The following AGTR1 variants were observed in gnomAD, a reference collection of about 807,000 sequenced individuals.
AGTR1 encodes the protein type-1 angiotensin II receptor.
A neutral mutation model predicts 19.4 loss-of-function variants in AGTR1; 16 were observed. That is an observed-to-expected ratio of 0.82 (90% CI 0.56 to 1.25). AGTR1 has a LOEUF of 1.25. Ranked by LOEUF, AGTR1 falls within the 50% of genes most tolerant of loss-of-function variation. The probability of loss-of-function intolerance (pLI) is 0.00; values close to 1 mark genes in which losing one functional copy is unlikely to be tolerated. For missense variants in AGTR1, 373 were observed against 431.9 expected, an observed-to-expected ratio of 0.86 and a Z score of 1.21; for synonymous variants, 153 against 154.9, an observed-to-expected ratio of 0.99 and a Z score of 0.09.
intron 1 of AGTR1, among the ~76,000 whole-genome samples, chr3:148,701,615 T>G (rs1425728572): frequency 6.6e-6 from 1 of 152,222 alleles, no homozygotes; most frequent in African/African-American, 2.4e-5. Context: ...TCTCAGTGAT[T>G]ATCAGTCTCC....
chr3:148,698,094 C>T lies in AGTR1; in HGVS notation c.-165C>T, dbSNP rs1350070860. On this transcript the variant is annotated 5_prime_UTR_variant, in exon 1 of 3. Transcript: ENST00000349243. Reference sequence around the variant, plus strand: ...GAGACCCGCACCAGCGCAGCCGGCCCTCGGCGGGACGTGACGCAGCGCCCG... The same window carrying T: ...GAGACCCGCACCAGCGCAGCCGGCCTTCGGCGGGACGTGACGCAGCGCCCG... 2 of 152,088 alleles carry T rather than the reference C, an allele frequency of 1.3e-5. No individual in the cohort carries two copies. The highest frequency in any genetic ancestry group is 1.9e-4 in the East Asian group (1 of 5,162). The allele number at this position is 152,088 out of a possible 1,614,324, so 9.4% of individuals were successfully genotyped here. A position where few individuals can be genotyped will look rare whatever the true frequency, so the allele number is the denominator to read the frequency against.
chr3:148,710,883 A>G (rs2739504), intron 2 of AGTR1, among the ~76,000 whole-genome samples: 58,016 of 151,784 alleles, frequency 0.38, 13,165 homozygotes, highest in East Asian at 0.51. Context: ...TCTTGCTCTG[A>G]AACTGTGACA....
intron 2 of AGTR1, among the ~76,000 whole-genome samples, chr3:148,709,433 A>C (rs1036368482): frequency 1.3e-5 from 2 of 152,160 alleles, no homozygotes; most frequent in Non-Finnish European, 2.9e-5. Flanking sequence ...ATTTGTAGCA[A>C]AGCTTCCAAA....
rs1037431839 is a variant in AGTR1 at position 148,719,914 on chromosome 3, A to G, written c.-48+11887A>G. 3.3e-5 allele frequency among the ~76,000 whole-genome samples: 5 copies of G among 152,104 alleles called. No individual in the cohort carries two copies. The East Asian group carries it at 9.6e-4, about 29-fold the overall frequency. ...TCATTTCTTCTTTGTTTGCTCTTTT[A>G]CTTTAATAACTTCTGTTAAATTTTT... On this transcript the variant is annotated intron_variant, in intron 2 of 2. Coordinates refer to ENST00000349243, the MANE Select transcript of AGTR1 (RefSeq NM_000685.5).
At position 148,700,067 on chromosome 3, in the gene AGTR1, G is replaced by A. The variant is rs12695868; in HGVS notation, c.-132+1940G>A. Among the ~76,000 whole-genome samples, 398 of 152,216 alleles carry A rather than the reference G, an allele frequency of 2.6e-3. 4 individuals are homozygous for A. Among genetic ancestry groups the A allele is most frequent in the African/African-American group, 9.1e-3 (378 of 41,518 alleles). ...AGCTTCAGTCTTTCTCTCTCTTATC[G>A]TGGGTCAGTATTCAGAAAAGGGCAG... On this transcript the variant is annotated intron_variant, in intron 1 of 2. Coordinates refer to ENST00000349243, the MANE Select transcript of AGTR1 (RefSeq NM_000685.5).
chr3:148,724,146 T>G (rs921887531), intron 2 of AGTR1, among the ~76,000 whole-genome samples: 1 of 152,132 alleles, frequency 6.6e-6, no homozygotes, highest in Admixed American at 6.5e-5. Flanking sequence ...TTAGCTGTTT[T>G]CCCCCACCTC....
At chr3:148,708,586 G>C (rs1712802133) in intron 2 of AGTR1, among the ~76,000 whole-genome samples, 1 of 152,180 alleles carries the variant, frequency 6.6e-6, no homozygotes, top group African/African-American at 2.4e-5. Flanking sequence ...ATTGGAGATG[G>C]AGGTGCCCTC....
intron 2 of AGTR1, among the ~76,000 whole-genome samples, chr3:148,722,551 G>A (rs1244224101): frequency 2.6e-5 from 4 of 152,068 alleles, no homozygotes; most frequent in East Asian, 1.9e-4. Context: ...AAGAAGAGGC[G>A]GGAGGGTGCC....
chr3:148,706,857 T>C (rs769016413), intron 1 of AGTR1, among the ~76,000 whole-genome samples: 1 of 152,098 alleles, frequency 6.6e-6, no homozygotes, highest in African/African-American at 2.4e-5. Flanking sequence ...CTTGGTATTA[T>C]AAATTGGTAT....
intron 2 of AGTR1, among the ~76,000 whole-genome samples, chr3:148,709,718 GAACTTTGC>G (rs939817237): frequency 3.9e-5 from 6 of 152,218 alleles, no homozygotes; most frequent in Middle Eastern, 3.4e-3. Context: ...AGGACCTTCT[GAACTTTGC>G]AATCTCCCTT....
intron 1 of AGTR1, among the ~76,000 whole-genome samples, chr3:148,701,358 A>G (rs1244129550): frequency 6.6e-6 from 1 of 152,204 alleles, no homozygotes; most frequent in East Asian, 1.9e-4. Flanking sequence ...AATATTTGCT[A>G]TGGGATTTTT....
At chr3:148,702,985 G>A (rs1382698207) in intron 1 of AGTR1, among the ~76,000 whole-genome samples, 2 of 152,078 alleles carry the variant, frequency 1.3e-5, no homozygotes, top group Non-Finnish European at 2.9e-5. Context: ...CATGAATACA[G>A]TTTTTCAGTC....
At chr3:148,718,357 T>A (rs879316001) in intron 2 of AGTR1, among the ~76,000 whole-genome samples, 3 of 152,200 alleles carry the variant, frequency 2.0e-5, no homozygotes, top group African/African-American at 4.8e-5. Context: ...TTAGGAGGCC[T>A]GCTGCATATG....
At chr3:148,698,378 T>G (rs1712099620) in intron 1 of AGTR1, 1 of 152,184 alleles carries the variant, frequency 6.6e-6, no homozygotes, top group African/African-American at 2.4e-5. Context: ...CTCAATCCAT[T>G]TTAACCAAAC....
intron 2 of AGTR1, among the ~76,000 whole-genome samples, chr3:148,719,351 T>C (rs1478369378): frequency 6.6e-6 from 1 of 152,166 alleles, no homozygotes; most frequent in African/African-American, 2.4e-5. Context: ...TCCTTTTAGA[T>C]GTTCCTCAAT....
At chr3:148,719,898 CTTT>C (rs1484455806) in intron 2 of AGTR1, among the ~76,000 whole-genome samples, 1 of 152,116 alleles carries the variant, frequency 6.6e-6, no homozygotes, top group East Asian at 1.9e-4. Context: ...CTCATTTCTT[CTTT>C]GTTTGCTCTT....
intron 2 of AGTR1, among the ~76,000 whole-genome samples, chr3:148,738,516 T>A: frequency 6.6e-6 from 1 of 152,166 alleles, no homozygotes; most frequent in East Asian, 1.9e-4. Flanking sequence ...TCTATATAAA[T>A]GAATTTATAC....
Position 148,741,127 on chromosome 3 carries a change from T to C in AGTR1, c.92T>C (p.Ile31Thr), listed in dbSNP as rs1453251109. The C allele has an allele frequency of 6.2e-7, 1 of 1,614,086 alleles. No homozygotes were observed. Among genetic ancestry groups the C allele is most frequent in the Non-Finnish European group, 8.5e-7 (1 of 1,180,026 alleles). Residue 31 changes from isoleucine (I) to threonine (T), a missense_variant, in exon 3 of 3, where the codon ATT becomes ACT. Coordinates refer to ENST00000349243, the MANE Select transcript of AGTR1 (RefSeq NM_000685.5). ...AGRHNYIFVM[I>T]PTLYSIIFVV... Reference sequence around the variant, plus strand: ...AGGCATAATTACATATTTGTCATGATTCCTACTTTATACAGTATCATCTTT... The same window carrying C: ...AGGCATAATTACATATTTGTCATGACTCCTACTTTATACAGTATCATCTTT...
rs573549847 is a variant in AGTR1 at position 148,716,507 on chromosome 3, C to T, written c.-48+8480C>T. Among the ~76,000 whole-genome samples, 1 of 152,100 alleles carries T rather than the reference C, an allele frequency of 6.6e-6. No individual in the cohort carries two copies. Among genetic ancestry groups the T allele is most frequent in the African/African-American group, 2.4e-5 (1 of 41,498 alleles). ...TATACAGGAATTTATTTCCCAGTAC[C>T]TTCTATATTACTAACATCCCATAAA... On this transcript the variant is annotated intron_variant, in intron 2 of 2. Coordinates refer to ENST00000349243, the MANE Select transcript of AGTR1 (RefSeq NM_000685.5). The surrounding 1 kb of genome is among the most constrained non-coding windows in gnomAD (Gnocchi z 4.7).
Sources: gnomAD v4.1 joint callset for allele counts (sites outside exome capture counted in the v4.1 genomes callset) on GRCh38, gnomAD v4.1.1 for gene constraint, Gnocchi (gnomAD v3.1) non-coding constraint, MANE v1.5 for transcripts, NCBI Gene and HGNC (gene_info 2026-07-23, HGNC 2026-07-21) for gene names.